The following MARK3 variants were observed in gnomAD, a reference collection of about 807,000 sequenced individuals.
MARK3 encodes microtubule affinity regulating kinase 3.
A neutral mutation model predicts 90.1 loss-of-function variants in MARK3; 46 were observed. The observed-to-expected ratio is 0.51, with a 90% CI of 0.40 to 0.65. MARK3 has a LOEUF of 0.65. Among genes scored for constraint, MARK3 ranks in the 30% least tolerant of loss-of-function variants. The pLI, the probability that MARK3 is intolerant of heterozygous loss-of-function variation, is 0.00. For synonymous variants in MARK3, 321 were observed against 332.6 expected (o/e 0.97, Z 0.38); for missense variants, 818 against 947.2 (o/e 0.86, Z 1.79).
intron 12 of MARK3, among the ~76,000 whole-genome samples, chr14:103,473,875 A>G (rs2093670427): frequency 6.6e-6 from 1 of 151,960 alleles, no homozygotes; most frequent in African/African-American, 2.4e-5. Context: ...CACCTTTAAT[A>G]TATCTAAAAT....
intron 2 of MARK3, among the ~76,000 whole-genome samples, chr14:103,409,653 A>G (rs1038050198): frequency 6.6e-6 from 1 of 152,162 alleles, no homozygotes; most frequent in Non-Finnish European, 1.5e-5. Context: ...AGTTTTTTAT[A>G]TAGACATTAA....
rs570694872 is a variant in MARK3, at chr14:103,486,828, G to A, written c.1587-4949G>A. On this transcript the variant is annotated intron_variant, in intron 14 of 17. Coordinates refer to ENST00000429436, the MANE Select transcript of MARK3 (RefSeq NM_001128918.3). ...TCGGAAATATTTTGTTGCTTGCTTT[G>A]TGAAACTCATGATGTGACATGGATT... is the stretch of plus-strand genomic sequence containing the variant. 3.3e-5 allele frequency among the ~76,000 whole-genome samples: 5 copies of A among 152,130 alleles called. No individual in the cohort carries two copies. The South Asian group carries it at 1.0e-3, about 32-fold the overall frequency.
At chr14:103,392,538 A>G (rs2090323999) in intron 1 of MARK3, among the ~76,000 whole-genome samples, 2 of 151,722 alleles carry the variant, frequency 1.3e-5, no homozygotes, top group South Asian at 4.2e-4. Context: ...ATTTATTAAG[A>G]AAAAAAAATC....
chr14:103,481,060 A>G (rs1258192110), intron 14 of MARK3, among the ~76,000 whole-genome samples: 2 of 152,222 alleles, frequency 1.3e-5, no homozygotes, highest in Admixed American at 1.3e-4. Context: ...TAAAAAGACA[A>G]TGATGTTACA....
chr14:103,416,261 T>C (rs528727021), intron 2 of MARK3, among the ~76,000 whole-genome samples: 1 of 152,368 alleles, frequency 6.6e-6, no homozygotes, highest in Non-Finnish European at 1.5e-5. Context: ...GCAAGGTAGC[T>C]CTTTCTAGGC....
At position 103,391,471 on chromosome 14, in the gene MARK3, A is replaced by G. The variant is rs140935910; in HGVS notation, c.51+5391A>G. ...AGTATTTAAATTTTCTCACATTTCT[A>G]ATTTTTAAACTGTTCAAATTAGAAT... On this transcript the variant is annotated intron_variant, in intron 1 of 17. Transcript: ENST00000429436. Among the ~76,000 whole-genome samples the G allele has an allele frequency of 1.5e-4, 23 of 152,196 alleles. No homozygotes were observed. In the East Asian group the frequency reaches 4.0e-3, roughly 27 times the overall value.
At chr14:103,500,931 C>T (rs758219447) in intron 17 of MARK3, among the ~76,000 whole-genome samples, 5 of 152,136 alleles carry the variant, frequency 3.3e-5, no homozygotes, top group Admixed American at 6.5e-5. Context: ...CTTGCTTTTC[C>T]ATTTTGTATA....
rs544046448 is a variant in MARK3 at position 103,435,819 on chromosome 14, A to G, written c.297+7379A>G. ...CTGCAGCCTGGAATTCCTGGGCTCA[A>G]GTATCTTTCCACCTCAGCCTCCTGA... On this transcript the variant is annotated intron_variant, in intron 3 of 17. Coordinates refer to ENST00000429436, the MANE Select transcript of MARK3 (RefSeq NM_001128918.3). Among the ~76,000 whole-genome samples the G allele has an allele frequency of 3.3e-5, 5 of 152,248 alleles. No homozygotes were observed. In the South Asian group the frequency reaches 1.0e-3, roughly 32 times the overall value.
intron 3 of MARK3, among the ~76,000 whole-genome samples, chr14:103,439,388 G>C (rs6575990): frequency 6.6e-6 from 1 of 152,124 alleles, no homozygotes; most frequent in Non-Finnish European, 1.5e-5. Flanking sequence ...GGTTTTTTTT[G>C]GTCTGTTTTT....
intron 2 of MARK3, among the ~76,000 whole-genome samples, chr14:103,415,052 T>G (rs564133215): frequency 3.2e-4 from 46 of 144,666 alleles, no homozygotes; most frequent in African/African-American, 1.1e-3. Flanking sequence ...CTCGGGAGGC[T>G]GAGGCAGGAG....
intron 13 of MARK3, 116 bp downstream of exon 13, chr14:103,475,326 C>A: frequency 1.3e-6 from 1 of 744,444 alleles, no homozygotes; most frequent in Non-Finnish European, 2.2e-6. Context: ...CTCTACTAGG[C>A]AGCCATGCCC....
chr14:103,439,317 A>G (rs894581846), intron 3 of MARK3, among the ~76,000 whole-genome samples: 1 of 151,900 alleles, frequency 6.6e-6, no homozygotes, highest in South Asian at 2.1e-4. Context: ...TTGTGTTATT[A>G]TTTTCTTGCT....
chr14:103,492,288 C>T (rs1402791076), intron 15 of MARK3, among the ~76,000 whole-genome samples: 1 of 151,936 alleles, frequency 6.6e-6, no homozygotes, highest in African/African-American at 2.4e-5. Context: ...ATTATTGTTC[C>T]TTTTGCTCAC....
intron 12 of MARK3, among the ~76,000 whole-genome samples, chr14:103,473,993 G>A (rs1414526538): frequency 1.4e-5 from 2 of 146,396 alleles, no homozygotes; most frequent in African/African-American, 5.0e-5. Flanking sequence ...TCAGGAGATC[G>A]AGACCATCCT....
At chr14:103,487,774 C>A (rs186763169) in intron 14 of MARK3, among the ~76,000 whole-genome samples, 46 of 152,202 alleles carry the variant, frequency 3.0e-4, no homozygotes, top group African/African-American at 1.0e-3. Context: ...TGTAGCCAGG[C>A]GCGGTGGCTC....
chr14:103,462,389 C>A lies in MARK3; in HGVS notation c.484-16C>A. The A allele has an allele frequency of 1.9e-6, 3 of 1,580,178 alleles. No homozygotes were observed. Among genetic ancestry groups the A allele is most frequent in the South Asian group, 1.1e-5 (1 of 89,414 alleles). The stretch of plus-strand genomic sequence containing the variant: ...TCTGCACCAGTGATGACTGACTCTG[C>A]GTCTCTCCTATTCAGATTGTGTCTG... On this transcript the variant is annotated splice_polypyrimidine_tract_variant and intron_variant, in intron 6 of 17. Coordinates refer to ENST00000429436, the MANE Select transcript of MARK3 (RefSeq NM_001128918.3).
At chr14:103,499,850 G>A (rs1012373240) in intron 16 of MARK3, 1 of 176,532 alleles carries the variant, frequency 5.7e-6, no homozygotes, top group East Asian at 1.4e-4. Flanking sequence ...AGTGCCCGCT[G>A]TGCGTGCGTG....
At chr14:103,495,792 AC>A (rs3837597) in intron 15 of MARK3, among the ~76,000 whole-genome samples, 43,457 of 152,152 alleles carry the variant, frequency 0.29, 7,280 homozygotes, top group Non-Finnish European at 0.36. Flanking sequence ...TTAATCAGCT[AC>A]TGACAGTTTG....
intron 3 of MARK3, among the ~76,000 whole-genome samples, chr14:103,447,083 G>A (rs946598992): frequency 7.9e-5 from 12 of 152,128 alleles, no homozygotes; most frequent in African/African-American, 2.9e-4. Flanking sequence ...TTTTAGATAG[G>A]AAAGGTTATT....
Sources: allele counts gnomAD v4.1 joint callset (sites outside exome capture counted in the v4.1 genomes callset), GRCh38; gene constraint gnomAD v4.1.1; transcripts MANE v1.5; gene names NCBI Gene and HGNC (gene_info 2026-07-23, HGNC 2026-07-21).